The following HECW2 variants were observed in gnomAD, a reference collection of about 807,000 sequenced individuals.
HECW2 encodes E3 ubiquitin-protein ligase HECW2.
Under a neutral mutation model 175.2 loss-of-function variants are expected in HECW2, and 61 were observed. The ratio of observed to expected loss-of-function variants is 0.35; its 90% confidence interval spans 0.28 to 0.43. The LOEUF (loss-of-function observed/expected upper bound fraction) is 0.43, where lower values mean the gene tolerates loss of function less well. Ranked by LOEUF, HECW2 falls within the 20% of genes least tolerant of loss-of-function variation. The pLI is 1.00. For missense variants in HECW2, 1,524 were observed against 2,000.5 expected (o/e 0.76, Z 4.54); for synonymous variants, 671 against 731.0 (o/e 0.92, Z 1.32).
chr2:196,527,952 A>C (rs1688725277), intron 1 of HECW2, among the ~76,000 whole-genome samples: 1 of 152,256 alleles, frequency 6.6e-6, no homozygotes, highest in Non-Finnish European at 1.5e-5. Flanking sequence ...CATTTTAAAA[A>C]TACAATGATA....
At chr2:196,251,945 T>C (rs982002469) in intron 19 of HECW2, among the ~76,000 whole-genome samples, 5 of 152,058 alleles carry the variant, frequency 3.3e-5, no homozygotes, top group Admixed American at 6.5e-5. Flanking sequence ...ACACCTGTAA[T>C]ACCAGCACTT....
chr2:196,256,605 C>G (rs1689066423), intron 18 of HECW2, among the ~76,000 whole-genome samples: 1 of 152,118 alleles, frequency 6.6e-6, no homozygotes, highest in Non-Finnish European at 1.5e-5. Context: ...AGAAAAAAAC[C>G]TTAGCTTTCT....
chr2:196,475,054 C>T (rs566530077), intron 1 of HECW2, among the ~76,000 whole-genome samples: 6 of 152,222 alleles, frequency 3.9e-5, no homozygotes, highest in African/African-American at 7.2e-5. Context: ...CATGGTTCCA[C>T]GGCTCTGCCT....
At chr2:196,486,623 A>AAG (rs1687017982) in intron 1 of HECW2, among the ~76,000 whole-genome samples, 1 of 152,184 alleles carries the variant, frequency 6.6e-6, no homozygotes, top group South Asian at 2.1e-4. Flanking sequence ...AATGGGAAGA[A>AAG]GACACAGGGA....
chr2:196,416,650 C>G (rs1695263757), intron 2 of HECW2, among the ~76,000 whole-genome samples: 1 of 152,180 alleles, frequency 6.6e-6, no homozygotes, highest in African/African-American at 2.4e-5. Flanking sequence ...ACAATTGAAG[C>G]AGCATGGGAA....
intron 1 of HECW2, among the ~76,000 whole-genome samples, chr2:196,522,799 C>T (rs1456417998): frequency 1.3e-5 from 2 of 151,584 alleles, no homozygotes; most frequent in African/African-American, 4.9e-5. Flanking sequence ...AGATATGCGG[C>T]GTTATTTCTG....
intron 3 of HECW2, among the ~76,000 whole-genome samples, chr2:196,340,986 A>G (rs1375287462): frequency 6.6e-6 from 1 of 152,162 alleles, no homozygotes; most frequent in African/African-American, 2.4e-5. Flanking sequence ...TTCAATATCA[A>G]GCCCATTTCT....
At chr2:196,518,053 A>G (rs1220748519) in intron 1 of HECW2, among the ~76,000 whole-genome samples, 1 of 152,184 alleles carries the variant, frequency 6.6e-6, no homozygotes, top group Non-Finnish European at 1.5e-5. Flanking sequence ...TACGAAGGGG[A>G]GAAAGAAAGC....
chr2:196,475,638 A>G (rs188848079), intron 1 of HECW2, among the ~76,000 whole-genome samples: 1 of 152,332 alleles, frequency 6.6e-6, no homozygotes, highest in East Asian at 1.9e-4. Context: ...CCAGGCCTAC[A>G]TCTTCCCAGC....
intron 2 of HECW2, among the ~76,000 whole-genome samples, chr2:196,424,915 T>C (rs1408797707): frequency 6.6e-6 from 1 of 152,174 alleles, no homozygotes; most frequent in Non-Finnish European, 1.5e-5. Flanking sequence ...AGCCTTCTAT[T>C]GGAAGAAGAT....
chr2:196,381,562 A>T (rs1363474476), intron 2 of HECW2, among the ~76,000 whole-genome samples: 1 of 152,206 alleles, frequency 6.6e-6, no homozygotes, highest in Non-Finnish European at 1.5e-5. Context: ...TCCTTATATT[A>T]TAATAAATAA....
chr2:196,287,829 C>G (rs1391312902), intron 14 of HECW2, among the ~76,000 whole-genome samples: 1 of 152,152 alleles, frequency 6.6e-6, no homozygotes, highest in African/African-American at 2.4e-5. Context: ...TATTTTCTCT[C>G]TCCTCCAAAA....
chr2:196,400,823 A>G (rs1694798702), intron 2 of HECW2, among the ~76,000 whole-genome samples: 1 of 151,334 alleles, frequency 6.6e-6, no homozygotes, highest in Non-Finnish European at 1.5e-5. Flanking sequence ...CAAAATGCAA[A>G]AAAAAAAAAA....
At chr2:196,529,423 C>CT (rs1166836866) in intron 1 of HECW2, among the ~76,000 whole-genome samples, 1 of 152,104 alleles carries the variant, frequency 6.6e-6, no homozygotes, top group East Asian at 1.9e-4. Context: ...TCTTCCACCA[C>CT]TAATTCTCTT....
At chr2:196,235,560 T>C (rs958736611) in intron 21 of HECW2, among the ~76,000 whole-genome samples, 1 of 152,004 alleles carries the variant, frequency 6.6e-6, no homozygotes, top group Non-Finnish European at 1.5e-5. Context: ...TTATATATCA[T>C]GTTTCAGATG....
intron 1 of HECW2, among the ~76,000 whole-genome samples, chr2:196,573,329 T>C (rs974421142): frequency 2.6e-5 from 4 of 152,092 alleles, no homozygotes; most frequent in Non-Finnish European, 5.9e-5. Flanking sequence ...ATGAGGATGA[T>C]TTACTCAAGA....
intron 2 of HECW2, among the ~76,000 whole-genome samples, chr2:196,410,215 T>C (rs1273812740): frequency 6.6e-6 from 1 of 152,212 alleles, no homozygotes; most frequent in African/African-American, 2.4e-5. Flanking sequence ...GTAAATATGA[T>C]CTTTGTTCCA....
intron 19 of HECW2, among the ~76,000 whole-genome samples, chr2:196,252,712 T>C (rs976806626): frequency 1.3e-5 from 2 of 152,198 alleles, no homozygotes; most frequent in African/African-American, 4.8e-5. Flanking sequence ...TCTTTATAAA[T>C]TACCCAGCCT....
chr2:196,214,624 A>G (rs1347567628), intron 28 of HECW2, among the ~76,000 whole-genome samples: 2 of 152,232 alleles, frequency 1.3e-5, no homozygotes, highest in Admixed American at 6.5e-5. Flanking sequence ...ATGCCAGGTA[A>G]TACTTAGGTG....
Sources: gnomAD v4.1 joint callset for allele counts (sites outside exome capture counted in the v4.1 genomes callset) on GRCh38, gnomAD v4.1.1 for gene constraint, MANE v1.5 for transcripts, NCBI Gene and HGNC (gene_info 2026-07-23, HGNC 2026-07-21) for gene names.